The following GPHN variants were observed in gnomAD, a reference collection of about 807,000 sequenced individuals.
GPHN encodes gephyrin.
In GPHN, 17 loss-of-function variants were observed where a neutral mutation model predicts 95.5. The observed-to-expected ratio is 0.18, with a 90% CI of 0.12 to 0.27. The LOEUF (loss-of-function observed/expected upper bound fraction) is 0.27. Among genes scored for constraint, GPHN ranks in the 10% least tolerant of loss-of-function variants. The pLI is 1.00. For synonymous variants in GPHN, 320 were observed against 322.5 expected (o/e 0.99, Z 0.08); for missense variants, 660 against 978.1 (o/e 0.67, Z 4.34).
chr14:66,508,264 C>G lies in GPHN; in HGVS notation c.-264C>G. Reference sequence around the variant, plus strand: ...CGCTCTCCCCGTGCGGCCACCGCGCCCCCCAAGCTTGCCTCCTTCTTGCCG... The same window carrying G: ...CGCTCTCCCCGTGCGGCCACCGCGCGCCCCAAGCTTGCCTCCTTCTTGCCG... On this transcript the variant is annotated 5_prime_UTR_variant, in exon 1 of 23. Transcript: ENST00000478722. 1 of 570,096 alleles carries G rather than the reference C, an allele frequency of 1.8e-6. No homozygotes were observed. The highest frequency in any genetic ancestry group is 3.1e-6 in the Non-Finnish European group (1 of 318,556). 35.3% of individuals were successfully genotyped at this position (570,096 alleles called of 1,614,324 possible).
In GPHN at chr14:66,675,165, C is replaced by T. The variant is rs866277781; in HGVS notation, c.65-5942C>T. ...TTTCCAGTTTTTTTTTTTTTTTTGACGGAGTTTTACGCTTGTTGCCCATGC... is the reference window on the plus strand; with the variant it reads ...TTTCCAGTTTTTTTTTTTTTTTTGATGGAGTTTTACGCTTGTTGCCCATGC... On this transcript the variant is annotated intron_variant, in intron 1 of 22. Transcript: ENST00000478722. Among the ~76,000 whole-genome samples, 376 of 94,348 alleles carry T rather than the reference C, an allele frequency of 4.0e-3. 1 individual carries two copies. The highest frequency in any genetic ancestry group is 0.022 in the African/African-American group (332 of 15,230). 61.9% of individuals were successfully genotyped at this position (94,348 alleles called of 152,430 possible). A position where few individuals can be genotyped will look rare whatever the true frequency, so the allele number is the denominator to read the frequency against.
At chr14:67,476,686 A>G in the GPHN span, among the ~76,000 whole-genome samples, 1 of 152,236 alleles carries the variant, frequency 6.6e-6, no homozygotes, top group African/African-American at 2.4e-5. Flanking sequence ...GAGAGGGGAC[A>G]TTATTTACCC....
the GPHN span, among the ~76,000 whole-genome samples, chr14:67,285,293 T>G: frequency 1.3e-5 from 2 of 152,152 alleles, no homozygotes; most frequent in Non-Finnish European, 2.9e-5. Flanking sequence ...AAGCTATCTG[T>G]TTTCATATGG....
At chr14:67,642,136 G>A in the GPHN span, 1 of 1,576,504 alleles carries the variant, frequency 6.3e-7, no homozygotes, top group Non-Finnish European at 8.7e-7. Flanking sequence ...CTAGTTAAGA[G>A]TTGGAGATAG....
chr14:66,896,834 A>G (rs1034780599), intron 5 of GPHN, among the ~76,000 whole-genome samples: 1 of 152,054 alleles, frequency 6.6e-6, no homozygotes, highest in Non-Finnish European at 1.5e-5. Flanking sequence ...AACAAAGACA[A>G]GTAGAAGGCA....
At chr14:67,213,154 G>GTATTT in the GPHN span, among the ~76,000 whole-genome samples, 40 of 145,248 alleles carry the variant, frequency 2.8e-4, no homozygotes, top group Middle Eastern at 6.9e-3. Flanking sequence ...TTTTTTAAAT[G>GTATTT]TATTTTATTT....
chr14:66,788,371 GT>G (rs2153469333), intron 3 of GPHN, among the ~76,000 whole-genome samples: 1 of 152,296 alleles, frequency 6.6e-6, no homozygotes, highest in African/African-American at 2.4e-5. Flanking sequence ...GACAAATCAT[GT>G]TTTTAACTGT....
At chr14:67,706,467 A>T in the GPHN span, among the ~76,000 whole-genome samples, 2 of 152,222 alleles carry the variant, frequency 1.3e-5, no homozygotes, top group Non-Finnish European at 2.9e-5. Flanking sequence ...CTAGGGAGAC[A>T]CGGGACATCA....
intron 2 of GPHN, among the ~76,000 whole-genome samples, chr14:66,743,225 C>A (rs1291575708): frequency 2.6e-5 from 4 of 151,550 alleles, no homozygotes; most frequent in African/African-American, 9.7e-5. Flanking sequence ...TTCTGGTAGA[C>A]TTTTAATCTT....
intron 9 of GPHN, among the ~76,000 whole-genome samples, chr14:66,976,255 G>A (rs1055189397): frequency 6.6e-6 from 1 of 152,178 alleles, no homozygotes; most frequent in Non-Finnish European, 1.5e-5. Flanking sequence ...GTTATGAGAA[G>A]ATAGGGAAGT....
At chr14:67,192,741 T>C in the GPHN span, among the ~76,000 whole-genome samples, 2 of 150,318 alleles carry the variant, frequency 1.3e-5, no homozygotes, top group Non-Finnish European at 3.0e-5. Flanking sequence ...TATGGGGATA[T>C]ATTAATATAT....
the GPHN span, among the ~76,000 whole-genome samples, chr14:67,274,355 C>A: frequency 1.3e-5 from 2 of 152,192 alleles, no homozygotes; most frequent in Non-Finnish European, 2.9e-5. Context: ...AGCCAGTTTT[C>A]CCAGCACCAT....
At chr14:67,665,187 T>C in the GPHN span, among the ~76,000 whole-genome samples, 1 of 152,042 alleles carries the variant, frequency 6.6e-6, no homozygotes. Context: ...CTACATAAGA[T>C]GTAATGTCAC....
chr14:67,466,162 C>T, the GPHN span, among the ~76,000 whole-genome samples: 1 of 152,366 alleles, frequency 6.6e-6, no homozygotes, highest in African/African-American at 2.4e-5. Context: ...CAGGACCCTT[C>T]GCCATCTGGT....
chr14:67,729,243 G>A, the GPHN span: 47 of 1,610,282 alleles, frequency 2.9e-5, no homozygotes, highest in East Asian at 2.2e-5. Flanking sequence ...GCTCTGAGCT[G>A]GTCCGGCACT....
chr14:66,637,360 A>G (rs2064155837), intron 1 of GPHN, among the ~76,000 whole-genome samples: 1 of 152,182 alleles, frequency 6.6e-6, no homozygotes, highest in African/African-American at 2.4e-5. Flanking sequence ...TATAATAAAC[A>G]TGAAACATTA....
At chr14:66,777,376 C>T (rs951845284) in intron 3 of GPHN, among the ~76,000 whole-genome samples, 3 of 152,162 alleles carry the variant, frequency 2.0e-5, no homozygotes, top group Non-Finnish European at 2.9e-5. Flanking sequence ...GGATTCACAG[C>T]TGAATTCTAC....
At chr14:67,570,317 G>T in the GPHN span, 1 of 979,110 alleles carries the variant, frequency 1.0e-6, no homozygotes, top group Non-Finnish European at 1.2e-6. Context: ...AGGGCAGTGG[G>T]GCTCCTTCTA....
chr14:67,427,120 G>A, the GPHN span, among the ~76,000 whole-genome samples: 2 of 152,100 alleles, frequency 1.3e-5, no homozygotes, highest in African/African-American at 4.8e-5. Context: ...TGTGTCACGC[G>A]GGGGAGGGAG....
Sources: gnomAD v4.1 joint callset for allele counts (sites outside exome capture counted in the v4.1 genomes callset) on GRCh38, gnomAD v4.1.1 for gene constraint, MANE v1.5 for transcripts, NCBI Gene and HGNC (gene_info 2026-07-23, HGNC 2026-07-21) for gene names.